The following CER1 variants were observed in gnomAD, a reference collection of about 807,000 sequenced individuals.
The protein encoded by CER1 is cerberus 1, DAN family BMP antagonist, also known as cerberus.
CER1 carries 10 observed loss-of-function variants against 11.8 expected under a neutral mutation model. The observed-to-expected ratio is 0.85, with a 90% CI of 0.52 to 1.44. CER1 has a LOEUF of 1.44. Ranked by LOEUF, CER1 falls within the 40% of genes most tolerant of loss-of-function variation. The pLI is 0.00. For missense variants in CER1, 431 were observed against 327.0 expected (o/e 1.32, Z -2.45); for synonymous variants, 141 against 122.3 (o/e 1.15, Z -1.01).
In CER1 at chr9:14,720,017, C is replaced by A; in HGVS notation, c.*73G>T. On this transcript the variant is annotated 3_prime_UTR_variant, in exon 2 of 2. Coordinates refer to ENST00000380911, the MANE Select transcript of CER1 (RefSeq NM_005454.3). The stretch of plus-strand genomic sequence containing the variant: ...CTGAAAATGTTATGTACCCACTTAA[C>A]ATTTTCAGACTGAATAATCAGCATC... The A allele has an allele frequency of 6.9e-7, 1 of 1,453,834 alleles. No individual in the cohort carries two copies. Among genetic ancestry groups the A allele is most frequent in the Admixed American group, 1.8e-5 (1 of 57,088 alleles). The allele number at this position is 1,453,834 out of a possible 1,614,324, so 90.1% of individuals were successfully genotyped here.
Position 14,720,056 on chromosome 9 carries a change from T to C in CER1, c.*34A>G, listed in dbSNP as rs753864429. 1.3e-6 allele frequency: 2 copies of C among 1,593,162 alleles called. No homozygotes were observed. The highest frequency in any genetic ancestry group is 1.7e-6 in the Non-Finnish European group (2 of 1,162,642). On this transcript the variant is annotated 3_prime_UTR_variant, in exon 2 of 2. Coordinates refer to ENST00000380911, the MANE Select transcript of CER1 (RefSeq NM_005454.3). Reference sequence around the variant, plus strand: ...ATAATCAGCATCTTTGCTGTTGTGGTTTTGCTTTTCAAAGGTAATAGTGGG... The same window carrying C: ...ATAATCAGCATCTTTGCTGTTGTGGCTTTGCTTTTCAAAGGTAATAGTGGG...
At position 14,720,282 on chromosome 9, in the gene CER1, G is replaced by C; in HGVS notation, c.612C>G (p.Thr204=). 1 of 1,614,130 alleles carries C rather than the reference G, an allele frequency of 6.2e-7. No homozygotes were observed. The highest frequency in any genetic ancestry group is 8.5e-7 in the Non-Finnish European group (1 of 1,180,030). ...TGGCAGGCAAACAGTGAGAGCAGGAGGTATGGGAGTGCTGCGCGGCTCCAG... is the reference window on the plus strand; with the variant it reads ...TGGCAGGCAAACAGTGAGAGCAGGACGTATGGGAGTGCTGCGCGGCTCCAG... ...HFPGAAQHSH[T]SCSHCLPAKF... The change falls in exon 2 of 2, where the codon ACC becomes ACG. Residue 204 remains threonine (T), a synonymous_variant. Coordinates refer to ENST00000380911, the MANE Select transcript of CER1 (RefSeq NM_005454.3).
rs145965403 is a variant in CER1 at position 14,720,159 on chromosome 9, C to T, written c.735G>A (p.Thr245=). The change falls in exon 2 of 2, where the codon ACG becomes ACA. Residue 245 remains threonine (T), a synonymous_variant. Transcript: ENST00000380911. ...LVEECQCKVK[T]EHEDGHILHA... ...GTAGGATGTGTCCATCTTCATGCTCCGTCTTCACCTTGCACTGGCACTCCT... is the reference window on the plus strand; with the variant it reads ...GTAGGATGTGTCCATCTTCATGCTCTGTCTTCACCTTGCACTGGCACTCCT... 4.2e-5 allele frequency: 68 copies of T among 1,614,126 alleles called. No individual in the cohort carries two copies. In the African/African-American group the frequency reaches 6.9e-4, roughly 16 times the overall value.
downstream of CER1, among the ~76,000 whole-genome samples, chr9:14,717,507 T>C (rs1839954020): frequency 6.6e-6 from 1 of 152,188 alleles, no homozygotes; most frequent in Admixed American, 6.5e-5. Context: ...TGTTGTTATG[T>C]ACACTTGATC....
chr9:14,720,050 T>G lies in CER1; in HGVS notation c.*40A>C. ...GACTGAATAATCAGCATCTTTGCTG[T>G]TGTGGTTTTGCTTTTCAAAGGTAAT... On this transcript the variant is annotated 3_prime_UTR_variant, in exon 2 of 2. Coordinates refer to ENST00000380911, the MANE Select transcript of CER1 (RefSeq NM_005454.3). 2 of 1,576,052 alleles carry G rather than the reference T, an allele frequency of 1.3e-6. No homozygotes were observed. Among genetic ancestry groups the G allele is most frequent in the Non-Finnish European group, 1.7e-6 (2 of 1,147,490 alleles).
chr9:14,719,626 C>T (rs1202505772), downstream of CER1: 1 of 148,202 alleles, frequency 6.7e-6, no homozygotes, highest in Non-Finnish European at 1.5e-5. Context: ...TTCTTTCCTT[C>T]CTTCCTTCCT....
At chr9:14,721,743 T>A (rs966662055) in intron 1 of CER1, among the ~76,000 whole-genome samples, 1 of 151,918 alleles carries the variant, frequency 6.6e-6, no homozygotes, top group East Asian at 1.9e-4. Flanking sequence ...ACAAATGGAG[T>A]TGACCTGCTC....
chr9:14,722,322 A>G lies in CER1; in HGVS notation c.351T>C (p.Asp117=), dbSNP rs757042954. The change falls in exon 1 of 2, where the codon GAT becomes GAC. Residue 117 remains aspartate, a synonymous_variant. Transcript: ENST00000380911. ...PGTQSLIQPI[D]GMKMEKSPLR... is the part of the protein sequence containing the mutation. ...GAGGAGATTTCTCCATTTTCATTCC[A>G]TCTATCGGCTGGATGAGGGACTGGG... 18 of 1,614,120 alleles carry G rather than the reference A, an allele frequency of 1.1e-5. No homozygotes were observed. Among genetic ancestry groups the G allele is most frequent in the East Asian group, 2.2e-5 (1 of 44,874 alleles).
At chr9:14,721,319 A>G (rs1421603215) in intron 1 of CER1, among the ~76,000 whole-genome samples, 1 of 152,220 alleles carries the variant, frequency 6.6e-6, no homozygotes, top group African/African-American at 2.4e-5. Flanking sequence ...ATTTTAATTT[A>G]ACATTTGGAA....
At chr9:14,718,442 C>T (rs958940330), downstream of CER1, among the ~76,000 whole-genome samples, 4 of 152,090 alleles carry the variant, frequency 2.6e-5, no homozygotes, top group Non-Finnish European at 5.9e-5. Context: ...CTTTGACCAC[C>T]AAAGGGTATG....
chr9:14,720,236 G>T lies in CER1; in HGVS notation c.658C>A (p.Pro220Thr). The change falls in exon 2 of 2, where the codon CCA (proline) becomes ACA (threonine). Residue 220 changes from proline (P) to threonine (T), a missense_variant. Pro to Thr is a conservative substitution (Grantham distance 38, BLOSUM62 -1). Transcript: ENST00000380911. ...LPAKFTTMHL[P>T]LNCTELSSVI... ...GAGGAAAGTTCAGTGCAGTTCAGTG[G>T]CAAGTGCATCGTGGTGAACTTGGCA... 6.2e-7 allele frequency: 1 copy of T among 1,614,146 alleles called. No individual in the cohort carries two copies. The highest frequency in any genetic ancestry group is 8.5e-7 in the Non-Finnish European group (1 of 1,180,044).
In CER1 at chr9:14,720,141, G is replaced by A. The variant is rs959393294; in HGVS notation, c.753C>T (p.His251=). The A allele has an allele frequency of 7.4e-6, 12 of 1,614,052 alleles. 1 individual carries two copies. Among genetic ancestry groups the A allele is most frequent in the Middle Eastern group, 3.3e-4 (2 of 6,084 alleles). Residue 251 remains histidine, a synonymous_variant, in exon 2 of 2, where the codon CAC becomes CAT. Transcript: ENST00000380911. ...AATCCTGGGAGCCAGCATGTAGGATGTGTCCATCTTCATGCTCCGTCTTCA... is the reference window on the plus strand; with the variant it reads ...AATCCTGGGAGCCAGCATGTAGGATATGTCCATCTTCATGCTCCGTCTTCA... The part of the protein sequence containing the change: ...CKVKTEHEDG[H]ILHAGSQDSF...
In CER1 at chr9:14,722,588, A is replaced by T. The variant is rs769682876; in HGVS notation, c.85T>A (p.Ser29Thr). Residue 29 changes from serine (S) to threonine (T), a missense_variant, in exon 1 of 2, where the codon TCT becomes ACT. Transcript: ENST00000380911. ...CTTGGCAGGAGTACGGGGGAAAGAG[A>T]ACTCTGATTCTGGCGGCCATCCTGG... is the stretch of plus-strand genomic sequence containing the variant. ...RHQDGRQNQS[S>T]LSPVLLPRNQ... 6.2e-7 allele frequency: 1 copy of T among 1,612,754 alleles called. No individual in the cohort carries two copies. The highest frequency in any genetic ancestry group is 1.1e-5 in the South Asian group (1 of 91,074).
downstream of CER1, among the ~76,000 whole-genome samples, chr9:14,718,084 A>G (rs990339924): frequency 2.0e-5 from 3 of 152,172 alleles, no homozygotes; most frequent in Non-Finnish European, 2.9e-5. Flanking sequence ...ATTTTGTTGA[A>G]TTTCATGCAA....
Position 14,722,622 on chromosome 9 carries a change from G to C in CER1, c.51C>G (p.Thr17=). ...QLLVLLPLGK[T]TRHQDGRQNQ... is the part of the protein sequence containing the mutation. Reference sequence around the variant, plus strand: ...TCTGGCGGCCATCCTGGTGCCGTGTGGTCTTTCCTAGAGGCAGGAGTACCA... The same window carrying C: ...TCTGGCGGCCATCCTGGTGCCGTGTCGTCTTTCCTAGAGGCAGGAGTACCA... Residue 17 remains threonine (T), a synonymous_variant, in exon 1 of 2, where the codon ACC becomes ACG. Coordinates refer to ENST00000380911, the MANE Select transcript of CER1 (RefSeq NM_005454.3). 6.2e-7 allele frequency: 1 copy of C among 1,606,964 alleles called. No individual in the cohort carries two copies. The highest frequency in any genetic ancestry group is 1.7e-4 in the Middle Eastern group (1 of 6,056).
downstream of CER1, among the ~76,000 whole-genome samples, chr9:14,717,646 C>A (rs1839955295): frequency 6.6e-6 from 1 of 152,098 alleles, no homozygotes; most frequent in Admixed American, 6.6e-5. Flanking sequence ...ATAACCTGAC[C>A]TAGAGATGAT....
downstream of CER1, among the ~76,000 whole-genome samples, chr9:14,719,548 TGCC>T (rs1839976036): frequency 6.5e-5 from 5 of 77,018 alleles, no homozygotes; most frequent in South Asian, 5.6e-4. Flanking sequence ...CCTGCCTGCC[TGCC>T]TGCCTGCCTG....
At chr9:14,721,424 T>C (rs995572962) in intron 1 of CER1, among the ~76,000 whole-genome samples, 7 of 152,146 alleles carry the variant, frequency 4.6e-5, no homozygotes, top group African/African-American at 1.7e-4. Context: ...CAACACAACA[T>C]GAATCAGGAG....
intron 1 of CER1, among the ~76,000 whole-genome samples, chr9:14,721,692 G>A (rs78614245): frequency 6.6e-6 from 1 of 152,116 alleles, no homozygotes; most frequent in African/African-American, 2.4e-5. Flanking sequence ...AAATGGATAT[G>A]AGAGTATTTG....
Sources: gnomAD v4.1 joint callset for allele counts (sites outside exome capture counted in the v4.1 genomes callset) on GRCh38, gnomAD v4.1.1 for gene constraint, MANE v1.5 for transcripts, NCBI Gene and HGNC (gene_info 2026-07-23, HGNC 2026-07-21) for gene names.